SYT16: variants seen among roughly 807,000 people sequenced by gnomAD.
SYT16 encodes synaptotagmin-16.
A neutral mutation model predicts 61.4 loss-of-function variants in SYT16; 42 were observed. That is an observed-to-expected ratio of 0.68 (90% CI 0.53 to 0.89). The LOEUF (loss-of-function observed/expected upper bound fraction) is 0.89, where lower values mean the gene tolerates loss of function less well. SYT16 is among the 40% of genes least tolerant of loss of function. The pLI is 0.00. For synonymous variants in SYT16, 314 were observed against 302.3 expected (o/e 1.04, Z -0.40); for missense variants, 804 against 807.3 (o/e 1.00, Z 0.05).
intron 1 of SYT16, among the ~76,000 whole-genome samples, chr14:61,930,239 T>C (rs940428643): frequency 6.6e-6 from 1 of 152,114 alleles, no homozygotes; most frequent in African/African-American, 2.4e-5. Context: ...CTGTCTCCTA[T>C]TTCTTTTTCT....
intron 2 of SYT16, among the ~76,000 whole-genome samples, chr14:61,992,317 G>GA (rs1280719549): frequency 6.6e-6 from 1 of 152,114 alleles, no homozygotes; most frequent in Non-Finnish European, 1.5e-5. Context: ...GTGTGTCAGT[G>GA]AGACTGGCAC....
chr14:61,910,530 GTTT>G (rs59595019), intron 1 of SYT16, among the ~76,000 whole-genome samples: 1 of 142,750 alleles, frequency 7.0e-6, no homozygotes. Context: ...CCGCTGTTTT[GTTT>G]TTTTTTTTTT....
Position 62,084,188 on chromosome 14 carries a change from C to A in SYT16, c.1435-8C>A. 1.9e-6 allele frequency: 3 copies of A among 1,610,396 alleles called. No homozygotes were observed. The highest frequency in any genetic ancestry group is 2.5e-6 in the Non-Finnish European group (3 of 1,178,850). On this transcript the variant is annotated splice_polypyrimidine_tract_variant and splice_region_variant and intron_variant, in intron 6 of 7. Transcript: ENST00000683842. ...GCCAATGGATTCTTTGTTGTTCTTC[C>A]CCTCCAGAGTGGAGGGTCTCCGCTC...
intron 1 of SYT16, chr14:61,832,496 G>A (rs2045972746): frequency 5.9e-6 from 2 of 339,448 alleles, no homozygotes; most frequent in Admixed American, 3.5e-5. Flanking sequence ...TGGCGCAGAG[G>A]CGTGATCTCA....
intron 1 of SYT16, among the ~76,000 whole-genome samples, chr14:61,953,953 C>T (rs906328484): frequency 2.0e-5 from 3 of 152,156 alleles, no homozygotes; most frequent in Admixed American, 6.5e-5. Context: ...TTGAAAACAT[C>T]ATAGAATGTT....
At chr14:61,857,726 A>G (rs1161590519) in intron 1 of SYT16, among the ~76,000 whole-genome samples, 1 of 152,200 alleles carries the variant, frequency 6.6e-6, no homozygotes, top group African/African-American at 2.4e-5. Flanking sequence ...CTGATGCAGG[A>G]GAGAAAGAAT....
chr14:62,051,957 G>T (rs751487153), intron 3 of SYT16, among the ~76,000 whole-genome samples: 1 of 152,162 alleles, frequency 6.6e-6, no homozygotes, highest in Non-Finnish European at 1.5e-5. Context: ...CCTTGAGCCT[G>T]GGTGGTTGAG....
chr14:61,978,587 T>C (rs1279159592), intron 2 of SYT16, among the ~76,000 whole-genome samples: 3 of 152,224 alleles, frequency 2.0e-5, no homozygotes, highest in Non-Finnish European at 4.4e-5. Flanking sequence ...TTAAAAAGAA[T>C]GCCAGGTGAT....
At chr14:62,020,810 A>T (rs1192118232) in intron 3 of SYT16, among the ~76,000 whole-genome samples, 2 of 152,178 alleles carry the variant, frequency 1.3e-5, no homozygotes, top group African/African-American at 4.8e-5. Flanking sequence ...GTGCTGGCAC[A>T]CACCACCTAT....
At chr14:61,921,784 A>G (rs2049344310) in intron 1 of SYT16, among the ~76,000 whole-genome samples, 1 of 152,228 alleles carries the variant, frequency 6.6e-6, no homozygotes, top group Admixed American at 6.5e-5. Context: ...GACAGGTAGC[A>G]GGCTGTCACC....
chr14:61,851,524 C>T (rs1356504949), intron 1 of SYT16, among the ~76,000 whole-genome samples: 1 of 152,212 alleles, frequency 6.6e-6, no homozygotes, highest in Non-Finnish European at 1.5e-5. Flanking sequence ...TACACTCCCA[C>T]CAGTAGTGTA....
intron 3 of SYT16, among the ~76,000 whole-genome samples, chr14:62,058,221 A>G (rs2055652772): frequency 6.6e-6 from 1 of 151,868 alleles, no homozygotes; most frequent in Non-Finnish European, 1.5e-5. Flanking sequence ...ACTATTACAC[A>G]TGAAGCTTCT....
chr14:62,076,601 G>GAGCTT (rs1191132571), intron 5 of SYT16, among the ~76,000 whole-genome samples: 1 of 152,014 alleles, frequency 6.6e-6, no homozygotes, highest in African/African-American at 2.4e-5. Flanking sequence ...TCACATATGT[G>GAGCTT]GTTTGTGGCT....
In SYT16 at chr14:61,841,633, T is replaced by G. The variant is rs1000871026; in HGVS notation, c.-325+28823T>G. Reference sequence around the variant, plus strand: ...TACCCATCAACCAAATATTGGACATTGTACTCAGCAAGTAATTTTCAGTCC... The same window carrying G: ...TACCCATCAACCAAATATTGGACATGGTACTCAGCAAGTAATTTTCAGTCC... On this transcript the variant is annotated intron_variant, in intron 1 of 7. Coordinates refer to ENST00000683842, the MANE Select transcript of SYT16 (RefSeq NM_001367656.1). Among the ~76,000 whole-genome samples, 5 of 152,186 alleles carry G rather than the reference T, an allele frequency of 3.3e-5. No homozygotes were observed. In the East Asian group the frequency reaches 7.7e-4, roughly 23 times the overall value.
intron 3 of SYT16, among the ~76,000 whole-genome samples, chr14:62,048,805 C>G (rs1199624085): frequency 1.3e-5 from 2 of 152,100 alleles, no homozygotes; most frequent in Non-Finnish European, 2.9e-5. Flanking sequence ...GTTTCTGAAT[C>G]CTGAGTTCTA....
intron 2 of SYT16, among the ~76,000 whole-genome samples, chr14:61,975,788 C>T (rs1283367725): frequency 6.6e-6 from 1 of 152,124 alleles, no homozygotes; most frequent in Non-Finnish European, 1.5e-5. Flanking sequence ...GACACAAAGC[C>T]TAACCATATT....
At chr14:62,023,211 C>G (rs2053977534) in intron 3 of SYT16, among the ~76,000 whole-genome samples, 1 of 152,110 alleles carries the variant, frequency 6.6e-6, no homozygotes, top group South Asian at 2.1e-4. Context: ...TTGACACTTT[C>G]AAGGGCTTAT....
At chr14:61,977,689 A>G (rs1160285513) in intron 2 of SYT16, among the ~76,000 whole-genome samples, 1 of 152,106 alleles carries the variant, frequency 6.6e-6, no homozygotes, top group Non-Finnish European at 1.5e-5. Flanking sequence ...AAGTGTTACC[A>G]TTATCACCCC....
chr14:61,858,859 C>CT (rs541030567), intron 1 of SYT16, among the ~76,000 whole-genome samples: 1,593 of 138,872 alleles, frequency 0.011, 23 homozygotes, highest in East Asian at 0.038. Context: ...CTTTTCTTTT[C>CT]TTTTTTTTTT....
Sources: gnomAD v4.1 joint callset for allele counts (sites outside exome capture counted in the v4.1 genomes callset) on GRCh38, gnomAD v4.1.1 for gene constraint, MANE v1.5 for transcripts, NCBI Gene and HGNC (gene_info 2026-07-23, HGNC 2026-07-21) for gene names.